Variants in DACH1 observed in about 807,000 individuals in gnomAD.
DACH1 encodes dachshund homolog 1.
Under a neutral mutation model 54.2 loss-of-function variants are expected in DACH1, and 12 were observed. That is an observed-to-expected ratio of 0.22 (90% CI 0.14 to 0.36). The LOEUF is 0.36. DACH1 is among the 10% of genes least tolerant of loss of function. DACH1 has a pLI of 1.00. For missense variants in DACH1, 805 were observed against 929.8 expected (o/e 0.87, Z 1.75); for synonymous variants, 386 against 366.2 (o/e 1.05, Z -0.62).
intron 2 of DACH1, among the ~76,000 whole-genome samples, chr13:71,650,481 T>A (rs1001504059): frequency 6.6e-6 from 1 of 152,156 alleles, no homozygotes; most frequent in Non-Finnish European, 1.5e-5. Flanking sequence ...AGTTAAAATA[T>A]TTAATTTTTA....
At chr13:71,602,727 A>G (rs1015740772) in intron 3 of DACH1, among the ~76,000 whole-genome samples, 3 of 152,028 alleles carry the variant, frequency 2.0e-5, no homozygotes, top group Non-Finnish European at 2.9e-5. Context: ...CCACAGTTAA[A>G]TGGAGAAATT....
intron 1 of DACH1, among the ~76,000 whole-genome samples, chr13:71,826,395 C>A (rs905311365): frequency 6.6e-6 from 1 of 152,000 alleles, no homozygotes; most frequent in African/African-American, 2.4e-5. Flanking sequence ...TGCAGTTTTC[C>A]AGGCTACACA....
chr13:71,731,291 T>TTC (rs1883732388), intron 1 of DACH1, among the ~76,000 whole-genome samples: 1 of 113,638 alleles, frequency 8.8e-6, no homozygotes, highest in Admixed American at 8.3e-5. Context: ...CTTGATCTTC[T>TTC]TTTTTTTTTT....
intron 1 of DACH1, among the ~76,000 whole-genome samples, chr13:71,764,423 A>AT (rs1885531790): frequency 6.6e-6 from 1 of 152,136 alleles, no homozygotes; most frequent in African/African-American, 2.4e-5. Flanking sequence ...TTAAATTAGG[A>AT]TAAAAAAATT....
chr13:71,717,480 C>T (rs1222857055), intron 1 of DACH1, among the ~76,000 whole-genome samples: 2 of 148,410 alleles, frequency 1.3e-5, no homozygotes, highest in Non-Finnish European at 1.5e-5. Context: ...GAAATGAAAA[C>T]ACTGCAAGGA....
intron 10 of DACH1, among the ~76,000 whole-genome samples, chr13:71,461,427 G>C: frequency 6.6e-6 from 1 of 151,810 alleles, no homozygotes; most frequent in Non-Finnish European, 1.5e-5. Context: ...TTATTCAGAG[G>C]TTTTAAAAAA....
intron 6 of DACH1, among the ~76,000 whole-genome samples, chr13:71,538,806 A>G (rs951397382): frequency 6.6e-6 from 1 of 152,118 alleles, no homozygotes; most frequent in African/African-American, 2.4e-5. Context: ...TTTAAAACAA[A>G]AATAAACACA....
Position 71,572,955 on chromosome 13 carries a change from G to C in DACH1, c.1184C>G (p.Pro395Arg), listed in dbSNP as rs201575393. Reference protein sequence around the residue: ...PHPLIPVSLPPASVTMAMSQM... With the variant: ...PHPLIPVSLPRASVTMAMSQM... ...GCTCATTGCCATGGTGACAGATGCT[G>C]GAGGTAGGCTGACAGGAATTAGAGG... Residue 395 changes from proline to arginine, a missense_variant, in exon 4 of 11, where the codon CCA becomes CGA. Physicochemically the swap from Pro to Arg is moderately radical, Grantham distance 103. Around this residue, in one of 3 missense-constraint regions of DACH1, gnomAD observed 472 missense variants for 545.3 expected, o/e 0.87. Coordinates refer to ENST00000613252, the MANE Select transcript of DACH1 (RefSeq NM_080759.6). 1.2e-6 allele frequency: 2 copies of C among 1,614,046 alleles called. No individual in the cohort carries two copies. Among genetic ancestry groups the C allele is most frequent in the Non-Finnish European group, 8.5e-7 (1 of 1,180,012 alleles).
rs548871778 is a variant in DACH1, at chr13:71,791,384, AT to A, written c.848+74537del. 6.5e-3 allele frequency among the ~76,000 whole-genome samples: 996 copies of A among 152,114 alleles called. 3 individuals carry two copies. The highest frequency in any genetic ancestry group is 0.023 in the African/African-American group (947 of 41,516). On this transcript the variant is annotated intron_variant, in intron 1 of 10. Transcript: ENST00000613252. The stretch of plus-strand genomic sequence containing the variant: ...TTTGTTTGTTTGTTTGGTTTGGTTT[AT>A]TTTTTTGAGATGAAGTCTCACTCTG...
intron 3 of DACH1, among the ~76,000 whole-genome samples, chr13:71,594,109 T>C (rs1873921796): frequency 1.3e-5 from 2 of 151,484 alleles, no homozygotes; most frequent in South Asian, 4.2e-4. Flanking sequence ...ACATAAACAT[T>C]GAACTTATTT....
intron 3 of DACH1, among the ~76,000 whole-genome samples, chr13:71,612,988 G>A (rs1875447029): frequency 6.6e-6 from 1 of 152,224 alleles, no homozygotes. Context: ...CCCTCAGCAA[G>A]CTGATGGTCT....
At chr13:71,834,809 T>C (rs948854070) in intron 1 of DACH1, among the ~76,000 whole-genome samples, 2 of 152,064 alleles carry the variant, frequency 1.3e-5, no homozygotes, top group Non-Finnish European at 2.9e-5. Context: ...CATTTTTGCA[T>C]TGGGAATCAG....
rs181401155 is a variant in DACH1, at chr13:71,782,041, A to G, written c.848+83881T>C. On this transcript the variant is annotated intron_variant, in intron 1 of 10. Coordinates refer to ENST00000613252, the MANE Select transcript of DACH1 (RefSeq NM_080759.6). ...AAAATATATCTCCAAAGCTGTAACTATCTCATCATCCTACAGACCCTTAAG... is the reference window on the plus strand; with the variant it reads ...AAAATATATCTCCAAAGCTGTAACTGTCTCATCATCCTACAGACCCTTAAG... Among the ~76,000 whole-genome samples the G allele has an allele frequency of 7.5e-4, 115 of 152,326 alleles. 1 individual carries two copies. Among genetic ancestry groups the G allele is most frequent in the Middle Eastern group, 3.4e-3 (1 of 294 alleles).
intron 4 of DACH1, among the ~76,000 whole-genome samples, chr13:71,560,971 G>T (rs1192494670): frequency 6.6e-6 from 1 of 152,062 alleles, no homozygotes; most frequent in Non-Finnish European, 1.5e-5. Context: ...TTATTAGAGA[G>T]AAAATATGCA....
At chr13:71,767,247 C>T (rs1258426527) in intron 1 of DACH1, among the ~76,000 whole-genome samples, 1 of 151,884 alleles carries the variant, frequency 6.6e-6, no homozygotes, top group Admixed American at 6.6e-5. Context: ...TGAGAAAACA[C>T]TTTAGAGGTT....
chr13:71,802,847 A>T (rs1048954345), intron 1 of DACH1, among the ~76,000 whole-genome samples: 4 of 152,136 alleles, frequency 2.6e-5, no homozygotes, highest in African/African-American at 4.8e-5. Flanking sequence ...ACACATACAC[A>T]TCTACAAACC....
intron 1 of DACH1, among the ~76,000 whole-genome samples, chr13:71,724,379 T>C (rs1883376724): frequency 6.6e-6 from 1 of 152,098 alleles, no homozygotes; most frequent in Admixed American, 6.6e-5. Flanking sequence ...GCAAATATAA[T>C]TTACTGAATG....
intron 2 of DACH1, among the ~76,000 whole-genome samples, chr13:71,668,698 G>C (rs762822478): frequency 5.9e-5 from 9 of 152,060 alleles, no homozygotes; most frequent in Non-Finnish European, 8.8e-5. Flanking sequence ...GCTGAGGCAG[G>C]CAGATTGCTT....
intron 1 of DACH1, among the ~76,000 whole-genome samples, chr13:71,741,885 T>C (rs1367829546): frequency 6.6e-6 from 1 of 152,018 alleles, no homozygotes; most frequent in Non-Finnish European, 1.5e-5. Context: ...AAACAACACC[T>C]ACGTATAGTC....
Sources: gnomAD v4.1 joint callset for allele counts (sites outside exome capture counted in the v4.1 genomes callset) on GRCh38, gnomAD v4.1.1 for gene constraint, gnomAD v4.1.1 regional missense constraint, MANE v1.5 for transcripts, NCBI Gene and HGNC (gene_info 2026-07-23, HGNC 2026-07-21) for gene names.